Variants in ETF1 observed in about 807,000 individuals in gnomAD.
ETF1 encodes the protein eukaryotic peptide chain release factor subunit 1.
ETF1 carries 4 observed loss-of-function variants against 55.1 expected under a neutral mutation model. The observed-to-expected ratio is 0.07, with a 90% CI of 0.04 to 0.17. ETF1 has a LOEUF of 0.17. Among genes scored for constraint, ETF1 ranks in the 10% least tolerant of loss-of-function variants. The probability of loss-of-function intolerance (pLI) is 1.00; values close to 1 mark genes in which losing one functional copy is unlikely to be tolerated. For synonymous variants in ETF1, 157 were observed against 182.3 expected (o/e 0.86, Z 1.12); for missense variants, 142 against 523.6 (o/e 0.27, Z 7.11).
At position 138,538,750 on chromosome 5, in the gene ETF1, C is replaced by A. The variant is rs1004472874; in HGVS notation, c.86+4083G>T. Among the ~76,000 whole-genome samples the A allele has an allele frequency of 1.4e-4, 21 of 151,968 alleles. 1 individual carries two copies. The highest frequency in any genetic ancestry group is 3.6e-4 in the African/African-American group (15 of 41,352). ...TTTAGGTGAATATTCTATTAACCAA[C>A]AATGTTTACTTGGGGAAGGTACTCA... On this transcript the variant is annotated intron_variant, in intron 2 of 10. Transcript: ENST00000360541.
intron 2 of ETF1, among the ~76,000 whole-genome samples, chr5:138,532,625 T>C (rs988354373): frequency 6.6e-5 from 10 of 152,240 alleles, no homozygotes; most frequent in Non-Finnish European, 1.5e-5. Flanking sequence ...ATTTGAATCC[T>C]GTTAGGTCCT....
intron 2 of ETF1, among the ~76,000 whole-genome samples, chr5:138,519,527 G>A (rs1012932924): frequency 2.0e-5 from 3 of 151,922 alleles, no homozygotes; most frequent in Non-Finnish European, 4.4e-5. Flanking sequence ...GCTGGGCATG[G>A]TGGCAAGTGC....
At chr5:138,510,062 GA>G (rs545620867) in intron 9 of ETF1, among the ~76,000 whole-genome samples, 13,747 of 122,896 alleles carry the variant, frequency 0.11, 847 homozygotes, top group Non-Finnish European at 0.16. Flanking sequence ...CTATCTCAAA[GA>G]AAAAAAAAAA....
In ETF1 at chr5:138,517,630, G is replaced by A; in HGVS notation, c.333C>T (p.Asn111=). ...VTEEGKEKKV[N]IDFEPFKPIN... is the part of the protein sequence containing the mutation. ...TTGGTTTGAAAGGTTCAAAGTCAAT[G>A]TTGACTTTCTTTTCCTTTCCTTCTT... The change falls in exon 4 of 11, where the codon AAC becomes AAT. Residue 111 remains asparagine (N), a synonymous_variant. Coordinates refer to ENST00000360541, the MANE Select transcript of ETF1 (RefSeq NM_004730.4). 1 of 1,598,308 alleles carries A rather than the reference G, an allele frequency of 6.3e-7. No homozygotes were observed. Among genetic ancestry groups the A allele is most frequent in the Non-Finnish European group, 8.6e-7 (1 of 1,168,976 alleles).
At chr5:138,539,030 A>G (rs1766065852) in intron 2 of ETF1, among the ~76,000 whole-genome samples, 1 of 152,240 alleles carries the variant, frequency 6.6e-6, no homozygotes, top group African/African-American at 2.4e-5. Flanking sequence ...TAAAATGTCC[A>G]AACACTACAG....
chr5:138,531,871 C>G, intron 2 of ETF1, among the ~76,000 whole-genome samples: 1 of 152,006 alleles, frequency 6.6e-6, no homozygotes. Flanking sequence ...AGGGTGAAAC[C>G]CCATCTCTAC....
intron 2 of ETF1, chr5:138,519,119 T>C (rs935073640): frequency 1.0e-6 from 1 of 984,504 alleles, no homozygotes; most frequent in Non-Finnish European, 1.2e-6. Context: ...CTTGGAGAGA[T>C]ACTTGAGAAA....
At chr5:138,518,333 C>T (rs1765106053) in intron 3 of ETF1, among the ~76,000 whole-genome samples, 1 of 152,034 alleles carries the variant, frequency 6.6e-6, no homozygotes, top group South Asian at 2.1e-4. Context: ...GCCTCAGCCT[C>T]CAGAGTAGAT....
At chr5:138,518,897 T>G in intron 2 of ETF1, 30 bp from the exon 3 acceptor site, 1 of 1,605,416 alleles carries the variant, frequency 6.2e-7, no homozygotes, top group East Asian at 2.2e-5. Flanking sequence ...TCATTAGGGA[T>G]TTAAATATCA....
chr5:138,537,983 C>G (rs1455225958), intron 2 of ETF1, among the ~76,000 whole-genome samples: 1 of 135,602 alleles, frequency 7.4e-6, no homozygotes, highest in African/African-American at 3.0e-5. Flanking sequence ...ACCTCCACCT[C>G]CCAGGTTCAA....
chr5:138,516,259 G>A (rs562415356), intron 4 of ETF1, among the ~76,000 whole-genome samples: 6 of 152,228 alleles, frequency 3.9e-5, no homozygotes, highest in Middle Eastern at 3.4e-3. Flanking sequence ...ATGGATATAC[G>A]CTTGAGGAAA....
At chr5:138,512,991 T>C in intron 5 of ETF1, 37 bp from the exon 6 acceptor site, 1 of 1,486,248 alleles carries the variant, frequency 6.7e-7, no homozygotes, top group African/African-American at 1.5e-5. Context: ...AAGGCAATTA[T>C]TAAGAACTAC....
chr5:138,531,527 CA>C (rs1377011552), intron 2 of ETF1, among the ~76,000 whole-genome samples: 1 of 152,230 alleles, frequency 6.6e-6, no homozygotes, highest in Non-Finnish European at 1.5e-5. Flanking sequence ...CTCTGCCATC[CA>C]AGTCATCACT....
intron 2 of ETF1, among the ~76,000 whole-genome samples, chr5:138,519,952 T>C (rs1765170157): frequency 1.3e-5 from 2 of 149,322 alleles, no homozygotes; most frequent in South Asian, 2.2e-4. Flanking sequence ...ATTTTTTTCA[T>C]ATGTTTATGG....
chr5:138,529,106 G>A lies in ETF1; in HGVS notation c.87-10239C>T, dbSNP rs188379735. Among the ~76,000 whole-genome samples the A allele has an allele frequency of 2.3e-3, 352 of 152,176 alleles. 3 individuals carry two copies. Among genetic ancestry groups the A allele is most frequent in the Non-Finnish European group, 6.3e-4 (43 of 68,022 alleles). ...ATCCCGCCATTGCACTACAGCCTGG[G>A]TGACAGAGCGAGACTCCATCTCAAA... On this transcript the variant is annotated intron_variant, in intron 2 of 10. Transcript: ENST00000360541.
intron 2 of ETF1, among the ~76,000 whole-genome samples, chr5:138,530,029 C>T (rs1193279268): frequency 1.3e-5 from 2 of 152,160 alleles, no homozygotes; most frequent in Non-Finnish European, 2.9e-5. Flanking sequence ...TAGGCGCAAG[C>T]GACCGTGCCC....
intron 2 of ETF1, among the ~76,000 whole-genome samples, chr5:138,519,473 C>A (rs966372842): frequency 6.6e-6 from 1 of 151,284 alleles, no homozygotes; most frequent in South Asian, 2.1e-4. Context: ...GCAAGCCTGG[C>A]CAACAGAGTG....
At chr5:138,512,258 A>ATATATTTT (rs1484458741) in intron 6 of ETF1, among the ~76,000 whole-genome samples, 4 of 20,022 alleles carry the variant, frequency 2.0e-4, no homozygotes, top group Admixed American at 1.7e-3. Context: ...ATATATATAT[A>ATATATTTT]TTTTTTTTTT....
intron 2 of ETF1, among the ~76,000 whole-genome samples, chr5:138,541,172 A>C (rs575098399): frequency 2.6e-5 from 4 of 152,340 alleles, no homozygotes; most frequent in Admixed American, 2.0e-4. Flanking sequence ...ACAAGATCCT[A>C]CTGAAACAAA....
Sources: gnomAD v4.1 joint callset for allele counts (sites outside exome capture counted in the v4.1 genomes callset) on GRCh38, gnomAD v4.1.1 for gene constraint, MANE v1.5 for transcripts, NCBI Gene and HGNC (gene_info 2026-07-23, HGNC 2026-07-21) for gene names.